ARHGAP12: variants seen among roughly 807,000 people sequenced by gnomAD.
The protein encoded by ARHGAP12 is rho GTPase-activating protein 12.
ARHGAP12 carries 64 observed loss-of-function variants against 108.6 expected under a neutral mutation model. The ratio of observed to expected loss-of-function variants is 0.59; its 90% CI spans 0.48 to 0.73. ARHGAP12 has a LOEUF of 0.73. Ranked by LOEUF, ARHGAP12 falls within the 30% of genes least tolerant of loss-of-function variation. The pLI is 0.00. For missense variants in ARHGAP12, 940 were observed against 1,005.9 expected (o/e 0.93, Z 0.89); for synonymous variants, 312 against 337.2 (o/e 0.93, Z 0.82).
chr10:31,925,311 T>G (rs1839986429), intron 1 of ARHGAP12, among the ~76,000 whole-genome samples: 1 of 152,228 alleles, frequency 6.6e-6, no homozygotes, highest in Non-Finnish European at 1.5e-5. Flanking sequence ...AAACTTTTAG[T>G]GAGCAATGGA....
chr10:31,833,776 C>A (rs750236381), intron 9 of ARHGAP12, among the ~76,000 whole-genome samples: 1 of 152,084 alleles, frequency 6.6e-6, no homozygotes, highest in Non-Finnish European at 1.5e-5. Flanking sequence ...CAGGAGTCAG[C>A]TAGACTGAAA....
chr10:31,871,591 A>C (rs7077016), intron 3 of ARHGAP12, among the ~76,000 whole-genome samples: 36,069 of 152,170 alleles, frequency 0.24, 4,549 homozygotes, highest in Non-Finnish European at 0.29. Context: ...CCAGGTAGAA[A>C]AGCTGTAATG....
rs1272411420 is a variant in ARHGAP12, at chr10:31,848,891, T to C, written c.1170+3626A>G. Among the ~76,000 whole-genome samples, 8 of 152,150 alleles carry C rather than the reference T, an allele frequency of 5.3e-5. No individual in the cohort carries two copies. In the South Asian group the frequency reaches 6.2e-4, roughly 12 times the overall value. Reference sequence around the variant, plus strand: ...TTCGAGACTAGTCTGACCAACATGATGAAACCCCATCTCTACTAAAAATAC... The same window carrying C: ...TTCGAGACTAGTCTGACCAACATGACGAAACCCCATCTCTACTAAAAATAC... On this transcript the variant is annotated intron_variant, in intron 6 of 19. Coordinates refer to ENST00000344936, the MANE Select transcript of ARHGAP12 (RefSeq NM_018287.7).
At chr10:31,821,512 T>G (rs1835417004) in intron 11 of ARHGAP12, among the ~76,000 whole-genome samples, 1 of 152,168 alleles carries the variant, frequency 6.6e-6, no homozygotes, top group South Asian at 2.1e-4. Flanking sequence ...TACAGAGAAT[T>G]TCATTTGCTA....
At chr10:31,861,134 A>T (rs1334070214) in intron 4 of ARHGAP12, among the ~76,000 whole-genome samples, 1 of 152,246 alleles carries the variant, frequency 6.6e-6, no homozygotes, top group Non-Finnish European at 1.5e-5. Flanking sequence ...CTAAGACATA[A>T]GGGGGTGCAC....
At chr10:31,923,801 C>G (rs1360511732) in intron 1 of ARHGAP12, among the ~76,000 whole-genome samples, 1 of 152,104 alleles carries the variant, frequency 6.6e-6, no homozygotes, top group East Asian at 1.9e-4. Flanking sequence ...GAATGAATCA[C>G]ATAGGAGCTC....
intron 3 of ARHGAP12, among the ~76,000 whole-genome samples, chr10:31,904,437 TA>T (rs1341569537): frequency 6.6e-6 from 1 of 152,140 alleles, no homozygotes; most frequent in Non-Finnish European, 1.5e-5. Context: ...TGATTGGGGT[TA>T]AGGAGGGTTA....
Position 31,829,773 on chromosome 10 carries a change from C to T in ARHGAP12, c.1448+1966G>A, listed in dbSNP as rs60436926. Among the ~76,000 whole-genome samples the T allele has an allele frequency of 3.5e-3, 528 of 152,318 alleles. 2 individuals are homozygous for T. Among genetic ancestry groups the T allele is most frequent in the African/African-American group, 0.012 (515 of 41,574 alleles). Reference sequence around the variant, plus strand: ...TAACTGAGTATGAACCGTTCACCGGCAGTTTTTCAGAGTCTTCACTACAAC... The same window carrying T: ...TAACTGAGTATGAACCGTTCACCGGTAGTTTTTCAGAGTCTTCACTACAAC... On this transcript the variant is annotated intron_variant, in intron 10 of 19. Coordinates refer to ENST00000344936, the MANE Select transcript of ARHGAP12 (RefSeq NM_018287.7).
At chr10:31,877,995 G>C (rs957402133) in intron 3 of ARHGAP12, among the ~76,000 whole-genome samples, 1 of 152,104 alleles carries the variant, frequency 6.6e-6, no homozygotes, top group Admixed American at 6.6e-5. Flanking sequence ...GAGGTGGGCA[G>C]ATCACCTGAG....
At chr10:31,859,462 G>A (rs536148475) in intron 4 of ARHGAP12, among the ~76,000 whole-genome samples, 2 of 122,172 alleles carry the variant, frequency 1.6e-5, no homozygotes, top group African/African-American at 5.6e-5. Context: ...GGAGAAGACA[G>A]ATATTTTCAT....
chr10:31,884,717 T>C (rs1346704378), intron 3 of ARHGAP12, among the ~76,000 whole-genome samples: 3 of 152,200 alleles, frequency 2.0e-5, no homozygotes. Flanking sequence ...CTTCCAAATG[T>C]TGAAACATTT....
chr10:31,848,869 G>A (rs183882676), intron 6 of ARHGAP12, among the ~76,000 whole-genome samples: 4 of 152,088 alleles, frequency 2.6e-5, no homozygotes, highest in Middle Eastern at 3.4e-3. Flanking sequence ...TCAGGAGTTC[G>A]AGACTAGTCT....
At chr10:31,848,826 A>G (rs1836563302) in intron 6 of ARHGAP12, among the ~76,000 whole-genome samples, 1 of 152,244 alleles carries the variant, frequency 6.6e-6, no homozygotes, top group South Asian at 2.1e-4. Context: ...TAATTCCAGC[A>G]CTCTGGGAGG....
At chr10:31,866,720 AT>A (rs1490331899) in intron 3 of ARHGAP12, among the ~76,000 whole-genome samples, 1 of 152,010 alleles carries the variant, frequency 6.6e-6, no homozygotes, top group Non-Finnish European at 1.5e-5. Context: ...GTTTCAAGCG[AT>A]TCTCCTGCCT....
intron 3 of ARHGAP12, among the ~76,000 whole-genome samples, chr10:31,892,060 G>A (rs2808071): frequency 0.19 from 28,651 of 151,654 alleles, 3,178 homozygotes; most frequent in East Asian, 0.39. Flanking sequence ...TTTGATCGTC[G>A]GAGAGATTTT....
intron 3 of ARHGAP12, among the ~76,000 whole-genome samples, chr10:31,868,625 TG>T (rs963176053): frequency 3.2e-4 from 49 of 152,102 alleles, no homozygotes; most frequent in African/African-American, 1.1e-3. Flanking sequence ...TGATAGTGGC[TG>T]GGGGTTAGTC....
Position 31,826,311 on chromosome 10 carries a change from G to A in ARHGAP12, c.1523C>T (p.Thr508Ile). The change falls in exon 11 of 20, where the codon ACA (threonine) becomes ATA (isoleucine). Residue 508 changes from threonine to isoleucine, a missense_variant. Physicochemically the swap from Thr to Ile is moderately conservative, Grantham distance 89 (BLOSUM62 -1). Coordinates refer to ENST00000344936, the MANE Select transcript of ARHGAP12 (RefSeq NM_018287.7). ...LLFTKTQGSS[T>I]SWFGSNQSKP... ...AAGAGAAGAAATACTTACCCAACTT[G>A]TGCTACTTCCTTGAGTTTTGGTAAA... The A allele has an allele frequency of 6.2e-7, 1 of 1,608,972 alleles. No homozygotes were observed. The highest frequency in any genetic ancestry group is 8.5e-7 in the Non-Finnish European group (1 of 1,177,008).
At chr10:31,841,536 T>A (rs1015662461) in intron 7 of ARHGAP12, among the ~76,000 whole-genome samples, 1 of 152,158 alleles carries the variant, frequency 6.6e-6, no homozygotes, top group Admixed American at 6.5e-5. Flanking sequence ...AGCCACCTGA[T>A]TACCAGGGTA....
chr10:31,875,298 G>A (rs2088222109), intron 3 of ARHGAP12, among the ~76,000 whole-genome samples: 1 of 152,094 alleles, frequency 6.6e-6, no homozygotes, highest in Admixed American at 6.5e-5. Context: ...TACCCATGGA[G>A]GTCAATACTC....
Sources: allele counts gnomAD v4.1 joint callset (sites outside exome capture counted in the v4.1 genomes callset), GRCh38; gene constraint gnomAD v4.1.1; transcripts MANE v1.5; gene names NCBI Gene and HGNC (gene_info 2026-07-23, HGNC 2026-07-21).